SMCO4: variants seen among roughly 807,000 people sequenced by gnomAD.
SMCO4 encodes the protein single-pass membrane and coiled-coil domain-containing protein 4.
SMCO4 carries 4 observed loss-of-function variants against 3.6 expected under a neutral mutation model. That is an observed-to-expected ratio of 1.11 (90% CI 0.54 to 2.53). SMCO4 has a LOEUF of 2.53. Ranked by LOEUF, SMCO4 falls within the 30% of genes most tolerant of loss-of-function variation. The probability of loss-of-function intolerance (pLI) is 0.02; values close to 1 mark genes in which losing one functional copy is unlikely to be tolerated. For missense variants in SMCO4, 70 were observed against 80.8 expected (o/e 0.87, Z 0.51); for synonymous variants, 36 against 35.3 (o/e 1.02, Z -0.07).
At chr11:93,538,906 G>A (rs560779727) in intron 1 of SMCO4, among the ~76,000 whole-genome samples, 2 of 152,186 alleles carry the variant, frequency 1.3e-5, no homozygotes, top group East Asian at 1.9e-4. Context: ...GACAGCCACC[G>A]AGCTACCTTT....
chr11:93,514,781 T>C (rs1948994568), intron 1 of SMCO4, among the ~76,000 whole-genome samples: 1 of 152,190 alleles, frequency 6.6e-6, no homozygotes, highest in African/African-American at 2.4e-5. Context: ...TCGTTTTTAA[T>C]AGTAACAGCT....
the SMCO4 span, among the ~76,000 whole-genome samples, chr11:93,550,527 T>C: frequency 6.6e-6 from 1 of 151,868 alleles, no homozygotes. Context: ...AAAATAAAAA[T>C]AGCCAGGCGT....
rs74815924 is a variant in SMCO4 at position 93,537,123 on chromosome 11, G to A, written c.-154+6153C>T. On this transcript the variant is annotated intron_variant, in intron 1 of 2. Coordinates refer to ENST00000298966, the MANE Select transcript of SMCO4 (RefSeq NM_020179.3). ...ATAGGATGAGAAATAAGCCAAAACC[G>A]GAATCAAGAGAGAATTCCCTTTCCC... is the stretch of plus-strand genomic sequence containing the variant. 1.8e-3 allele frequency among the ~76,000 whole-genome samples: 275 copies of A among 152,312 alleles called. 5 individuals are homozygous for A. In the East Asian group the frequency reaches 0.04, roughly 22 times the overall value.
chr11:93,506,546 C>T (rs1481560663), intron 1 of SMCO4, among the ~76,000 whole-genome samples: 1 of 151,726 alleles, frequency 6.6e-6, no homozygotes, highest in Non-Finnish European at 1.5e-5. Flanking sequence ...TCACACCATT[C>T]TCCTGCCTCA....
intron 1 of SMCO4, among the ~76,000 whole-genome samples, chr11:93,540,482 G>A (rs915534842): frequency 3.9e-5 from 6 of 152,206 alleles, no homozygotes; most frequent in Admixed American, 3.3e-4. Context: ...ATGTTAAAAT[G>A]TGCTGGGTTA....
intron 1 of SMCO4, among the ~76,000 whole-genome samples, chr11:93,531,382 C>G (rs61918481): frequency 6.6e-6 from 1 of 152,022 alleles, no homozygotes; most frequent in Non-Finnish European, 1.5e-5. Flanking sequence ...GTCTCAGTAC[C>G]TGGATTGGAA....
intron 1 of SMCO4, among the ~76,000 whole-genome samples, chr11:93,508,802 T>C (rs978545454): frequency 6.6e-6 from 1 of 152,126 alleles, no homozygotes; most frequent in Admixed American, 6.5e-5. Context: ...TTCCAGAGCA[T>C]GGACTCTATC....
intron 2 of SMCO4, among the ~76,000 whole-genome samples, chr11:93,488,806 G>A (rs909698335): frequency 2.6e-4 from 40 of 152,176 alleles, no homozygotes; most frequent in African/African-American, 8.9e-4. Flanking sequence ...TGTGTGCAGA[G>A]TAGGGGACTA....
chr11:93,534,217 C>T (rs1402441539), intron 1 of SMCO4, among the ~76,000 whole-genome samples: 51 of 396 alleles, frequency 0.13, 2 homozygotes, highest in South Asian at 0.33. Flanking sequence ...TATATATATA[C>T]ACACACACAC....
At chr11:93,535,427 G>A (rs1355631507) in intron 1 of SMCO4, 3 of 1,259,298 alleles carry the variant, frequency 2.4e-6, no homozygotes, top group East Asian at 4.8e-5. Context: ...AGTTCTCACT[G>A]CTAGGGGCTT....
At chr11:93,500,963 C>T (rs376845581) in intron 1 of SMCO4, among the ~76,000 whole-genome samples, 4 of 152,182 alleles carry the variant, frequency 2.6e-5, no homozygotes, top group African/African-American at 7.2e-5. Context: ...GAACAGGGTA[C>T]AGAACAGCGA....
intron 1 of SMCO4, among the ~76,000 whole-genome samples, chr11:93,509,689 T>C (rs1023143442): frequency 6.6e-6 from 1 of 152,152 alleles, no homozygotes; most frequent in African/African-American, 2.4e-5. Flanking sequence ...GAACTGGAGA[T>C]CATTATTCTA....
chr11:93,535,640 T>A, intron 1 of SMCO4: 1 of 1,596,954 alleles, frequency 6.3e-7, no homozygotes, highest in Non-Finnish European at 8.6e-7. Flanking sequence ...AAGTGTCTGT[T>A]AAGAGCTACC....
At chr11:93,541,292 C>T (rs1426220976) in intron 1 of SMCO4, among the ~76,000 whole-genome samples, 2 of 152,144 alleles carry the variant, frequency 1.3e-5, no homozygotes, top group Non-Finnish European at 2.9e-5. Context: ...CAGATGATTG[C>T]CTGGAGCAAT....
In SMCO4 at chr11:93,533,341, C is replaced by T. The variant is rs117547449; in HGVS notation, c.-154+9935G>A. The stretch of plus-strand genomic sequence containing the variant: ...AAGAACATGCATATCTCAACCTCAT[C>T]TCACAAGAACCTTGGGAGGAGTAAA... On this transcript the variant is annotated intron_variant, in intron 1 of 2. Transcript: ENST00000298966. 8.9e-3 allele frequency among the ~76,000 whole-genome samples: 1,359 copies of T among 152,334 alleles called. 8 individuals are homozygous for T. The highest frequency in any genetic ancestry group is 0.014 in the Admixed American group (208 of 15,310).
intron 1 of SMCO4, among the ~76,000 whole-genome samples, chr11:93,500,535 T>C (rs940421261): frequency 6.6e-6 from 1 of 152,108 alleles, no homozygotes; most frequent in African/African-American, 2.4e-5. Flanking sequence ...AGCACTGATT[T>C]TGGTGAAGTC....
At chr11:93,516,726 G>T (rs944664057) in intron 1 of SMCO4, among the ~76,000 whole-genome samples, 3 of 151,956 alleles carry the variant, frequency 2.0e-5, no homozygotes, top group African/African-American at 7.3e-5. Context: ...GGAGGTGAAG[G>T]TTGCTGTGAG....
chr11:93,528,323 C>T (rs1027310494), intron 1 of SMCO4, among the ~76,000 whole-genome samples: 10 of 152,184 alleles, frequency 6.6e-5, no homozygotes, highest in African/African-American at 2.4e-4. Flanking sequence ...AGCCTTTGTT[C>T]AAGGAAAGGA....
At chr11:93,535,586 T>A (rs1949214815) in intron 1 of SMCO4, 2 of 1,528,046 alleles carry the variant, frequency 1.3e-6, no homozygotes, top group African/African-American at 1.4e-5. Context: ...ACCAAATCCA[T>A]TCCAAAGAAA....
Sources: allele counts gnomAD v4.1 joint callset (sites outside exome capture counted in the v4.1 genomes callset), GRCh38; gene constraint gnomAD v4.1.1; transcripts MANE v1.5; gene names NCBI Gene and HGNC (gene_info 2026-07-23, HGNC 2026-07-21).